The following STAG2 variants were observed in gnomAD, a reference collection of about 807,000 sequenced individuals.
The protein encoded by STAG2 is cohesin subunit SA-2.
In STAG2, 14 loss-of-function variants were observed where a neutral mutation model predicts 108.1. The observed-to-expected ratio is 0.13, with a 90% confidence interval of 0.09 to 0.20. The LOEUF is 0.20. Among genes scored for constraint, STAG2 ranks in the 10% least tolerant of loss-of-function variants. The pLI is 1.00. For missense variants in STAG2, 440 were observed against 940.9 expected (o/e 0.47, Z 6.96); for synonymous variants, 307 against 302.7 (o/e 1.01, Z -0.15).
intron 33 of STAG2, among the ~76,000 whole-genome samples, chrX:124,094,670 C>A (rs1472673512): frequency 1.8e-5 from 2 of 110,976 alleles, no homozygotes; most frequent in African/African-American, 6.5e-5. Flanking sequence ...TTTCATCTTG[C>A]TACATATCTC....
intron 1 of STAG2, among the ~76,000 whole-genome samples, chrX:123,986,764 G>C (rs1211340780): frequency 1.8e-5 from 2 of 111,617 alleles, no homozygotes; most frequent in Admixed American, 1.9e-4. Context: ...AAACGTTTTG[G>C]AAAGCATTTG....
chrX:124,061,435 T>C, intron 16 of STAG2, 94 bp downstream of exon 16: 1 of 652,311 alleles, frequency 1.5e-6, no homozygotes, highest in East Asian at 3.4e-5. Context: ...TTTAAGACAA[T>C]TTGATAGAAA....
intron 1 of STAG2, among the ~76,000 whole-genome samples, chrX:124,004,766 T>C (rs1292021238): frequency 8.9e-6 from 1 of 111,861 alleles, no homozygotes; most frequent in Non-Finnish European, 1.9e-5. Context: ...TTATCCACCT[T>C]TTGACTTTAT....
chrX:124,052,463 GGCA>G (rs1412690629), intron 13 of STAG2, among the ~76,000 whole-genome samples: 3 of 112,116 alleles, frequency 2.7e-5, no homozygotes, highest in Non-Finnish European at 5.6e-5. Flanking sequence ...TATTTCACTT[GGCA>G]TAATTTCTTC....
At chrX:124,000,034 T>C (rs1348313980) in intron 1 of STAG2, among the ~76,000 whole-genome samples, 1 of 109,822 alleles carries the variant, frequency 9.1e-6, no homozygotes, top group Non-Finnish European at 1.9e-5. Flanking sequence ...AAGCCTCAAC[T>C]CTAATAACCT....
chrX:123,987,429 G>A lies in STAG2; in HGVS notation c.-163+25573G>A, dbSNP rs770409921. ...ATGCCCGGCTAATTTTGTATTTTTA[G>A]TAGTGACGGGGTTTTGCCTTGTTGG... On this transcript the variant is annotated intron_variant, in intron 1 of 34. Coordinates refer to ENST00000371145, the MANE Select transcript of STAG2 (RefSeq NM_001042750.2). Among the ~76,000 whole-genome samples the A allele has an allele frequency of 2.7e-5, 3 of 109,883 alleles. No homozygotes were observed. The South Asian group carries it at 1.2e-3, about 43-fold the overall frequency.
At chrX:123,999,586 G>A (rs2055926424) in intron 1 of STAG2, among the ~76,000 whole-genome samples, 1 of 110,706 alleles carries the variant, frequency 9.0e-6, no homozygotes, top group Admixed American at 9.7e-5. Context: ...CTGGGACTAC[G>A]GGTGTGTGTC....
chrX:124,063,772 G>A, intron 19 of STAG2, 76 bp from the exon 20 acceptor site: 2 of 912,249 alleles, frequency 2.2e-6, no homozygotes, highest in Non-Finnish European at 3.1e-6. Context: ...TTTTTTCCAT[G>A]GTGGTATGGT....
intron 2 of STAG2, 51 bp from the exon 3 acceptor site, chrX:124,022,480 C>G (rs1330753831): frequency 1.1e-5 from 5 of 443,196 alleles, no homozygotes; most frequent in Non-Finnish European, 1.9e-5. Flanking sequence ...GATATCCTTT[C>G]CGAATATTTT....
At chrX:124,028,822 A>ATATATATATATATATTTT (rs1296806013) in intron 4 of STAG2, among the ~76,000 whole-genome samples, 2 of 38,984 alleles carry the variant, frequency 5.1e-5, no homozygotes, top group African/African-American at 2.2e-4. Context: ...ATATATATAT[A>ATATATATATATATATTTT]TTTTTTTTTT....
chrX:124,017,723 T>C (rs780858068), intron 1 of STAG2, among the ~76,000 whole-genome samples: 1 of 111,598 alleles, frequency 9.0e-6, no homozygotes, highest in East Asian at 2.8e-4. Flanking sequence ...GTAATAGGTA[T>C]CTGACAGGTG....
In STAG2 at chrX:124,037,640, T is replaced by C; in HGVS notation, c.385+17T>C. ...GCTGTAAAGGTAAGATATATTTATT[T>C]TGAAATCAGCAGCTCTCAAATAGTC... On this transcript the variant is annotated intron_variant, in intron 6 of 34. Coordinates refer to ENST00000371145, the MANE Select transcript of STAG2 (RefSeq NM_001042750.2). The C allele has an allele frequency of 9.3e-7, 1 of 1,072,980 alleles. No individual in the cohort carries two copies. Among genetic ancestry groups the C allele is most frequent in the Non-Finnish European group, 1.3e-6 (1 of 787,309 alleles). 88.4% of individuals were successfully genotyped at this position (1,072,980 alleles called of 1,213,427 possible). A position where few individuals can be genotyped will look rare whatever the true frequency, so the allele number is the denominator to read the frequency against.
chrX:123,974,297 A>G (rs1296930885), intron 1 of STAG2, among the ~76,000 whole-genome samples: 1 of 106,732 alleles, frequency 9.4e-6, no homozygotes, highest in African/African-American at 3.4e-5. Flanking sequence ...TAGTGGCACA[A>G]TCTTGGCTTA....
At chrX:124,095,736 A>C (rs2059360272) in intron 34 of STAG2, among the ~76,000 whole-genome samples, 1 of 111,358 alleles carries the variant, frequency 9.0e-6, no homozygotes, top group Non-Finnish European at 1.9e-5. Context: ...TGCCCATTGA[A>C]AGATTTTAAA....
chrX:124,096,732 A>G (rs1336017106), intron 34 of STAG2, among the ~76,000 whole-genome samples: 1 of 111,912 alleles, frequency 8.9e-6, no homozygotes, highest in Non-Finnish European at 1.9e-5. Flanking sequence ...CCTCACACCT[A>G]CTGCCTCAGG....
chrX:124,038,271 T>C (rs2057582020), intron 6 of STAG2, among the ~76,000 whole-genome samples: 1 of 111,397 alleles, frequency 9.0e-6, no homozygotes, highest in South Asian at 3.7e-4. Flanking sequence ...GGGAGTCATA[T>C]ATCCTCATAT....
At chrX:124,030,518 C>A (rs1388602890) in intron 4 of STAG2, among the ~76,000 whole-genome samples, 1 of 112,112 alleles carries the variant, frequency 8.9e-6, no homozygotes, top group African/African-American at 3.2e-5. Flanking sequence ...ACAGTGATAA[C>A]AATAGCTGAC....
intron 1 of STAG2, among the ~76,000 whole-genome samples, chrX:123,967,790 A>G (rs1265949237): frequency 2.7e-5 from 3 of 111,309 alleles, no homozygotes; most frequent in Non-Finnish European, 5.7e-5. Context: ...CAGTTATAAT[A>G]CAGTGGTAAG....
At chrX:124,023,297 T>A (rs1030891833) in intron 3 of STAG2, among the ~76,000 whole-genome samples, 1 of 111,509 alleles carries the variant, frequency 9.0e-6, no homozygotes, top group Non-Finnish European at 1.9e-5. Context: ...GTGAATCCCT[T>A]TATTTACCCA....
Sources: gnomAD v4.1 joint callset for allele counts (sites outside exome capture counted in the v4.1 genomes callset) on GRCh38, gnomAD v4.1.1 for gene constraint, MANE v1.5 for transcripts, NCBI Gene and HGNC (gene_info 2026-07-23, HGNC 2026-07-21) for gene names.